The following TTYH1 variants were observed in gnomAD, a reference collection of about 807,000 sequenced individuals.
TTYH1 encodes the protein protein tweety homolog 1.
Under a neutral mutation model 61.2 loss-of-function variants are expected in TTYH1, and 33 were observed. The ratio of observed to expected loss-of-function variants is 0.54; its 90% confidence interval spans 0.41 to 0.72. The LOEUF (loss-of-function observed/expected upper bound fraction) is 0.72. Ranked by LOEUF, TTYH1 falls within the 30% of genes least tolerant of loss-of-function variation. The probability of loss-of-function intolerance (pLI) is 0.00; values close to 1 mark genes in which losing one functional copy is unlikely to be tolerated. For missense variants in TTYH1, 538 were observed against 575.8 expected, an observed-to-expected ratio of 0.93 and a Z score of 0.67; for synonymous variants, 308 against 266.4, an observed-to-expected ratio of 1.16 and a Z score of -1.52.
rs1254506551 is a variant in TTYH1, at chr19:54,415,753, G to A, written c.126+75G>A. Reference sequence around the variant, plus strand: ...CTGGGTCCCGAGGGAGAAGGGGGCTGGGTCACAGATTTCCTGAGCTCCGCC... The same window carrying A: ...CTGGGTCCCGAGGGAGAAGGGGGCTAGGTCACAGATTTCCTGAGCTCCGCC... On this transcript the variant is annotated intron_variant, in intron 1 of 13. Coordinates refer to ENST00000376530, the MANE Select transcript of TTYH1 (RefSeq NM_020659.4). This position sits in a 1 kb window ranked among gnomAD's most constrained non-coding sequence, Gnocchi z 5.2. 3.7e-6 allele frequency: 5 copies of A among 1,369,682 alleles called. No homozygotes were observed. Among genetic ancestry groups the A allele is most frequent in the Non-Finnish European group, 4.8e-6 (5 of 1,044,572 alleles). 84.8% of individuals were successfully genotyped at this position (1,369,682 alleles called of 1,614,324 possible).
intron 4 of TTYH1, among the ~76,000 whole-genome samples, chr19:54,423,525 C>A (rs997220088): frequency 6.6e-6 from 1 of 152,180 alleles, no homozygotes; most frequent in Non-Finnish European, 1.5e-5. Flanking sequence ...AGATCAGGAA[C>A]CTGAGCTCGA....
At chr19:54,435,733 G>C in intron 11 of TTYH1, 49 bp downstream of exon 11, 2 of 1,610,720 alleles carry the variant, frequency 1.2e-6, no homozygotes, top group Non-Finnish European at 8.5e-7. Context: ...AGGAGGGGCA[G>C]CACCTGGGGA....
At chr19:54,426,343 T>C (rs2083319120) in intron 4 of TTYH1, 2 of 352,458 alleles carry the variant, frequency 5.7e-6, no homozygotes, top group Non-Finnish European at 1.0e-5. Context: ...ATCTCCACTC[T>C]GCAGGGTGGG....
intron 10 of TTYH1, 71 bp downstream of exon 10, chr19:54,431,262 C>T (rs1343022922): frequency 1.9e-6 from 2 of 1,066,962 alleles, no homozygotes; most frequent in Admixed American, 1.8e-5. Context: ...ACTACCTCCT[C>T]CTTCTCCTTG....
Position 54,415,954 on chromosome 19 carries a change from C to T in TTYH1, c.126+276C>T, listed in dbSNP as rs970571253. ...TCATGGAGAGGAGGGGAGGGGGGCC[C>T]GGATTCCCGGGTGTCTGATACCTGC... On this transcript the variant is annotated intron_variant, in intron 1 of 13. Coordinates refer to ENST00000376530, the MANE Select transcript of TTYH1 (RefSeq NM_020659.4). This position sits in a 1 kb window ranked among gnomAD's most constrained non-coding sequence, Gnocchi z 5.2. 1.6e-5 allele frequency: 18 copies of T among 1,115,282 alleles called. No individual in the cohort carries two copies. Among genetic ancestry groups the T allele is most frequent in the South Asian group, 5.5e-5 (4 of 72,894 alleles). The allele number at this position is 1,115,282 out of a possible 1,614,324, so 69.1% of individuals were successfully genotyped here. A position where few individuals can be genotyped will look rare whatever the true frequency, so the allele number is the denominator to read the frequency against.
At chr19:54,435,929 C>G in intron 12 of TTYH1, 56 bp downstream of exon 12, 1 of 1,602,992 alleles carries the variant, frequency 6.2e-7, no homozygotes, top group South Asian at 1.1e-5. Flanking sequence ...ACTCCTGGGT[C>G]TGAGGGAGGA....
chr19:54,419,480 T>A lies in TTYH1; in HGVS notation c.305+174T>A. 1.3e-6 allele frequency: 1 copy of A among 750,914 alleles called. No homozygotes were observed. The highest frequency in any genetic ancestry group is 1.7e-5 in the African/African-American group (1 of 58,258). 46.5% of individuals were successfully genotyped at this position (750,914 alleles called of 1,614,324 possible). A position where few individuals can be genotyped will look rare whatever the true frequency, so the allele number is the denominator to read the frequency against. ...CTTCAGCGCACAGCAGGAAGGACTG[T>A]CCCATTTGATGGATGGAGAAAGTGA... is the stretch of plus-strand genomic sequence containing the variant. On this transcript the variant is annotated intron_variant, in intron 2 of 13. Transcript: ENST00000376530. The surrounding 1 kb of genome is among the most constrained non-coding windows in gnomAD (Gnocchi z 6.1).
intron 4 of TTYH1, among the ~76,000 whole-genome samples, chr19:54,425,800 C>T (rs7255087): frequency 6.6e-6 from 1 of 152,108 alleles, no homozygotes; most frequent in East Asian, 1.9e-4. Context: ...ACTGCAACCT[C>T]CACCTCATGG....
In TTYH1 at chr19:54,421,805, C is replaced by T. The variant is rs2083223931; in HGVS notation, c.418-385C>T. Among the ~76,000 whole-genome samples the T allele has an allele frequency of 6.6e-6, 1 of 152,158 alleles. No individual in the cohort carries two copies. The highest frequency in any genetic ancestry group is 1.5e-5 in the Non-Finnish European group (1 of 68,032). On this transcript the variant is annotated intron_variant, in intron 3 of 13. Transcript: ENST00000376530. This position sits in a 1 kb window ranked among gnomAD's most constrained non-coding sequence, Gnocchi z 4.8. ...GGATTCTGGGCCCTGGGGCTGAGGC[C>T]TGGCCCCACTTCATGCCTTAGATTC... is the stretch of plus-strand genomic sequence containing the variant.
Position 54,430,468 on chromosome 19 carries a change from C to A in TTYH1, c.884-82C>A, listed in dbSNP as rs537930161. ...GGGCTGAGGCCCCTAACCCTGCTAACCCCCCAGTGCCCGGCCTTCCCCCGG... is the reference window on the plus strand; with the variant it reads ...GGGCTGAGGCCCCTAACCCTGCTAAACCCCCAGTGCCCGGCCTTCCCCCGG... On this transcript the variant is annotated intron_variant, in intron 7 of 13. Transcript: ENST00000376530. The A allele has an allele frequency of 6.1e-6, 9 of 1,483,448 alleles. No individual in the cohort carries two copies. In the South Asian group the frequency reaches 1.0e-4, roughly 17 times the overall value. The allele number at this position is 1,483,448 out of a possible 1,614,324, so 91.9% of individuals were successfully genotyped here. A position where few individuals can be genotyped will look rare whatever the true frequency, so the allele number is the denominator to read the frequency against.
chr19:54,422,482 T>A, intron 4 of TTYH1, 72 bp downstream of exon 4: 1 of 1,337,568 alleles, frequency 7.5e-7, no homozygotes, highest in East Asian at 2.5e-5. Flanking sequence ...CAGTTGGCAA[T>A]GCCTGGAGGC....
At chr19:54,426,515 T>C in intron 4 of TTYH1, 158 bp from the exon 5 acceptor site, 2 of 666,562 alleles carry the variant, frequency 3.0e-6, no homozygotes, top group South Asian at 3.5e-5. Context: ...GGACCTGGGC[T>C]GTGGCCCAGA....
At position 54,415,503 on chromosome 19, in the gene TTYH1, A is replaced by G; in HGVS notation, c.-50A>G. 5 of 1,245,662 alleles carry G rather than the reference A, an allele frequency of 4.0e-6. No homozygotes were observed. The highest frequency in any genetic ancestry group is 5.0e-6 in the Non-Finnish European group (5 of 992,804). The allele number at this position is 1,245,662 out of a possible 1,614,324, so 77.2% of individuals were successfully genotyped here. A position where few individuals can be genotyped will look rare whatever the true frequency, so the allele number is the denominator to read the frequency against. ...CCGCCCGCGCCCCGCTCGACTCCGG[A>G]GGCTCCCGCAGCCCCGGCGTCCGCC... is the stretch of plus-strand genomic sequence containing the variant. On this transcript the variant is annotated 5_prime_UTR_variant, in exon 1 of 14. Transcript: ENST00000376530. This position sits in a 1 kb window ranked among gnomAD's most constrained non-coding sequence, Gnocchi z 5.2.
intron 1 of TTYH1, among the ~76,000 whole-genome samples, chr19:54,417,758 GCACA>G (rs1224572251): frequency 6.6e-6 from 1 of 151,320 alleles, no homozygotes; most frequent in Non-Finnish European, 1.5e-5. Context: ...GCATTCATGT[GCACA>G]CACACACTCA....
chr19:54,429,296 C>G lies in TTYH1; in HGVS notation c.735-11C>G, dbSNP rs764910461. On this transcript the variant is annotated splice_polypyrimidine_tract_variant and intron_variant, in intron 5 of 13. Coordinates refer to ENST00000376530, the MANE Select transcript of TTYH1 (RefSeq NM_020659.4). The surrounding 1 kb of genome is among the most constrained non-coding windows in gnomAD (Gnocchi z 5.1). Reference sequence around the variant, plus strand: ...AAGAACCCCGGGCTGATCCTCCCTCCCCCACTCTAGGATGACAGTCATGAG... The same window carrying G: ...AAGAACCCCGGGCTGATCCTCCCTCGCCCACTCTAGGATGACAGTCATGAG... 1.9e-6 allele frequency: 3 copies of G among 1,613,802 alleles called. No individual in the cohort carries two copies. Among genetic ancestry groups the G allele is most frequent in the Non-Finnish European group, 2.5e-6 (3 of 1,179,758 alleles).
Position 54,415,895 on chromosome 19 carries a change from A to AAG in TTYH1, c.126+218_126+219insGA. 1.3e-6 allele frequency: 1 copy of AAG among 787,760 alleles called. No homozygotes were observed. Among genetic ancestry groups the AAG allele is most frequent in the Non-Finnish European group, 1.9e-6 (1 of 514,854 alleles). The allele number at this position is 787,760 out of a possible 1,614,324, so 48.8% of individuals were successfully genotyped here. On this transcript the variant is annotated intron_variant, in intron 1 of 13. Coordinates refer to ENST00000376530, the MANE Select transcript of TTYH1 (RefSeq NM_020659.4). The surrounding 1 kb of genome is among the most constrained non-coding windows in gnomAD (Gnocchi z 5.2). ...GGGGGTCCAGACCTCGAGCTCTCTAAATAAGGGAAGGCTGGGGACCTGCAC... is the reference window on the plus strand; with the variant it reads ...GGGGGTCCAGACCTCGAGCTCTCTAAAGATAAGGGAAGGCTGGGGACCTGCAC...
intron 10 of TTYH1, 51 bp downstream of exon 10, chr19:54,431,242 G>A: frequency 2.3e-6 from 3 of 1,312,106 alleles, no homozygotes; most frequent in Middle Eastern, 1.8e-4. Flanking sequence ...CCTCTGTCTC[G>A]ACCCACAGAA....
intron 5 of TTYH1, among the ~76,000 whole-genome samples, chr19:54,427,777 G>A (rs968638303): frequency 1.3e-5 from 2 of 152,136 alleles, no homozygotes; most frequent in African/African-American, 2.4e-5. Context: ...AGACTGAGCC[G>A]TCCTTAAGTG....
Position 54,420,864 on chromosome 19 carries a change from C to T in TTYH1, c.306-413C>T, listed in dbSNP as rs2083200373. The T allele has an allele frequency of 8.3e-6, 2 of 241,268 alleles. No individual in the cohort carries two copies. Among genetic ancestry groups the T allele is most frequent in the African/African-American group, 4.5e-5 (2 of 44,728 alleles). The allele number at this position is 241,268 out of a possible 1,614,324, so 14.9% of individuals were successfully genotyped here. ...ACTGCAGGCCCCAAGGACCCTAGGG[C>T]ACCCTAGGACAGGTGCCAGGAGGGC... On this transcript the variant is annotated intron_variant, in intron 2 of 13. Coordinates refer to ENST00000376530, the MANE Select transcript of TTYH1 (RefSeq NM_020659.4). The surrounding 1 kb of genome is among the most constrained non-coding windows in gnomAD (Gnocchi z 4.8).
Sources: gnomAD v4.1 joint callset for allele counts (sites outside exome capture counted in the v4.1 genomes callset) on GRCh38, gnomAD v4.1.1 for gene constraint, Gnocchi (gnomAD v3.1) non-coding constraint, MANE v1.5 for transcripts, NCBI Gene and HGNC (gene_info 2026-07-23, HGNC 2026-07-21) for gene names.